NLN: variants seen among roughly 807,000 people sequenced by gnomAD.
The protein encoded by NLN is neurolysin.
In NLN, 64 loss-of-function variants were observed where a neutral mutation model predicts 79.9. That is an observed-to-expected ratio of 0.80 (90% CI 0.65 to 0.99). The LOEUF is 0.99. Among genes scored for constraint, NLN ranks in the 50% least tolerant of loss-of-function variants. The pLI is 0.00. For synonymous variants in NLN, 267 were observed against 296.6 expected, an observed-to-expected ratio of 0.90 and a Z score of 1.02; for missense variants, 835 against 858.7, an observed-to-expected ratio of 0.97 and a Z score of 0.34.
At chr5:65,753,771 A>C (rs986025095) in intron 1 of NLN, among the ~76,000 whole-genome samples, 2 of 152,064 alleles carry the variant, frequency 1.3e-5, no homozygotes, top group African/African-American at 4.8e-5. Flanking sequence ...CCTATGTTTT[A>C]GTCGTTGTTC....
intron 3 of NLN, among the ~76,000 whole-genome samples, chr5:65,776,353 GATATACAATTACAGA>G (rs1223941337): frequency 2.0e-5 from 3 of 152,200 alleles, no homozygotes; most frequent in African/African-American, 7.2e-5. Context: ...TGCAACAAAA[GATATACAATTACAGA>G]ATTATTGCAG....
At chr5:65,728,024 TCCTAAAGTGCTGGGATTATAGG>T (rs1758515430) in intron 1 of NLN, among the ~76,000 whole-genome samples, 1 of 152,120 alleles carries the variant, frequency 6.6e-6, no homozygotes, top group Non-Finnish European at 1.5e-5. Flanking sequence ...CACCTCAGCT[TCCTAAAGTGCTGGGATTATAGG>T]CGTGAGCCAC....
intron 1 of NLN, among the ~76,000 whole-genome samples, chr5:65,746,861 G>A (rs1012829866): frequency 3.9e-5 from 6 of 152,004 alleles, no homozygotes; most frequent in East Asian, 1.9e-4. Flanking sequence ...AAAATTAGCC[G>A]GGCGTGGTGG....
At chr5:65,750,865 A>T (rs1429572275) in intron 1 of NLN, among the ~76,000 whole-genome samples, 1 of 152,226 alleles carries the variant, frequency 6.6e-6, no homozygotes, top group Non-Finnish European at 1.5e-5. Context: ...TGTAGAAATC[A>T]GAAATAAAGG....
rs147330128 is a variant in NLN, at chr5:65,792,522, G to A, written c.1394G>A (p.Arg465Gln). 116 of 1,614,046 alleles carry A rather than the reference G, an allele frequency of 7.2e-5. 2 individuals are homozygous for A. The African/African-American group carries it at 9.9e-4, about 14-fold the overall frequency. Residue 465 changes from arginine to glutamine, a missense_variant, in exon 9 of 13, where the codon CGG becomes CAG. Arg to Gln is a conservative substitution (Grantham distance 43). Transcript: ENST00000380985. ...GGCTGCCTTCTGCCTGATGGAAGCC[G>A]GATGATGGCAGTGGCTGCCCTCGTG... ...QPGCLLPDGS[R>Q]MMAVAALVVN...
intron 1 of NLN, among the ~76,000 whole-genome samples, chr5:65,755,638 T>G (rs1759200597): frequency 6.6e-6 from 1 of 152,198 alleles, no homozygotes; most frequent in African/African-American, 2.4e-5. Flanking sequence ...AAAATAAGCA[T>G]AACAGGCATA....
At chr5:65,818,173 C>T (rs1473827329) in intron 12 of NLN, among the ~76,000 whole-genome samples, 1 of 152,054 alleles carries the variant, frequency 6.6e-6, no homozygotes, top group Non-Finnish European at 1.5e-5. Flanking sequence ...CTCTTACAGC[C>T]CTTCTTTGTT....
intron 4 of NLN, 98 bp from the exon 5 acceptor site, chr5:65,780,081 C>T: frequency 1.6e-6 from 1 of 632,650 alleles, no homozygotes; most frequent in Non-Finnish European, 2.8e-6. Flanking sequence ...CCACCTTAGC[C>T]TCCCAAATTG....
At chr5:65,753,122 G>T (rs1365662704) in intron 1 of NLN, among the ~76,000 whole-genome samples, 1 of 152,152 alleles carries the variant, frequency 6.6e-6, no homozygotes, top group South Asian at 2.1e-4. Flanking sequence ...TGTCTGAGGT[G>T]ATAGTTATGC....
In NLN at chr5:65,722,369, C is replaced by T. The variant is rs750788749; in HGVS notation, c.-5C>T. 37 of 1,578,884 alleles carry T rather than the reference C, an allele frequency of 2.3e-5. No homozygotes were observed. Among genetic ancestry groups the T allele is most frequent in the African/African-American group, 2.8e-5 (2 of 71,800 alleles). On this transcript the variant is annotated 5_prime_UTR_variant, in exon 1 of 13. Transcript: ENST00000380985. Reference sequence around the variant, plus strand: ...GCCCGCCGCCGCCAGCCTCTCAGCGCTCCCATGATCGCCCGGTGCCTTTTG... The same window carrying T: ...GCCCGCCGCCGCCAGCCTCTCAGCGTTCCCATGATCGCCCGGTGCCTTTTG...
chr5:65,777,177 G>A (rs1759698236), intron 3 of NLN, among the ~76,000 whole-genome samples: 1 of 152,174 alleles, frequency 6.6e-6, no homozygotes, highest in African/African-American at 2.4e-5. Context: ...AGTGGTACAG[G>A]CACTGCTGAT....
intron 1 of NLN, among the ~76,000 whole-genome samples, chr5:65,742,412 A>AT: frequency 6.6e-6 from 1 of 152,026 alleles, no homozygotes; most frequent in Non-Finnish European, 1.5e-5. Flanking sequence ...TTCAAATGCA[A>AT]TTTTTTTCAA....
chr5:65,812,486 T>C (rs1322354714), intron 12 of NLN, 95 bp downstream of exon 12: 3 of 831,816 alleles, frequency 3.6e-6, no homozygotes, highest in Non-Finnish European at 5.7e-6. Context: ...GATTTTACTG[T>C]AAGAGGCTTG....
At chr5:65,791,113 G>T (rs145716511) in intron 8 of NLN, among the ~76,000 whole-genome samples, 96 of 152,268 alleles carry the variant, frequency 6.3e-4, no homozygotes, top group African/African-American at 2.3e-3. Flanking sequence ...TTTAAAAAGG[G>T]TATTCAGAAT....
chr5:65,743,309 A>G (rs1579916250), intron 1 of NLN, among the ~76,000 whole-genome samples: 1 of 152,350 alleles, frequency 6.6e-6, no homozygotes, highest in Non-Finnish European at 1.5e-5. Flanking sequence ...AAAAAGGCCA[A>G]AACAATCTTC....
At chr5:65,794,065 G>T (rs1408461700) in intron 9 of NLN, among the ~76,000 whole-genome samples, 1 of 152,200 alleles carries the variant, frequency 6.6e-6, no homozygotes, top group Non-Finnish European at 1.5e-5. Flanking sequence ...ATATGACTAT[G>T]CAGTAAGACA....
intron 1 of NLN, among the ~76,000 whole-genome samples, chr5:65,752,486 G>A (rs560291840): frequency 1.1e-4 from 17 of 152,324 alleles, no homozygotes; most frequent in Non-Finnish European, 1.8e-4. Context: ...TTTGACTTAT[G>A]TAGCTCTCAC....
chr5:65,751,437 T>C (rs962662420), intron 1 of NLN, among the ~76,000 whole-genome samples: 4 of 152,234 alleles, frequency 2.6e-5, no homozygotes, highest in Non-Finnish European at 4.4e-5. Context: ...TGTCTGCTCA[T>C]CAGTGTGCAG....
chr5:65,822,722 A>G, intron 12 of NLN, 59 bp from the exon 13 acceptor site: 1 of 1,351,602 alleles, frequency 7.4e-7, no homozygotes, highest in Non-Finnish European at 1.1e-6. Context: ...TTTTGCATCT[A>G]GAGATTTGGA....
Sources: allele counts gnomAD v4.1 joint callset (sites outside exome capture counted in the v4.1 genomes callset), GRCh38; gene constraint gnomAD v4.1.1; transcripts MANE v1.5; gene names NCBI Gene and HGNC (gene_info 2026-07-23, HGNC 2026-07-21).